SEMA3C: variants seen among roughly 807,000 people sequenced by gnomAD.
The protein encoded by SEMA3C is semaphorin 3C, also known as semaphorin-3C.
SEMA3C carries 47 observed loss-of-function variants against 89.4 expected under a neutral mutation model. The ratio of observed to expected loss-of-function variants is 0.53; its 90% confidence interval spans 0.42 to 0.67. The LOEUF (loss-of-function observed/expected upper bound fraction) is 0.67, where lower values mean the gene tolerates loss of function less well. Among genes scored for constraint, SEMA3C ranks in the 30% least tolerant of loss-of-function variants. The pLI is 0.00. For missense variants in SEMA3C, 839 were observed against 929.1 expected (o/e 0.90, Z 1.26); for synonymous variants, 310 against 320.2 (o/e 0.97, Z 0.34).
At chr7:80,832,194 T>C (rs955955244) in intron 2 of SEMA3C, among the ~76,000 whole-genome samples, 1 of 152,124 alleles carries the variant, frequency 6.6e-6, no homozygotes, top group African/African-American at 2.4e-5. Flanking sequence ...TCATGATGTA[T>C]AGGAAACAGT....
intron 12 of SEMA3C, among the ~76,000 whole-genome samples, chr7:80,788,567 C>T (rs1384989881): frequency 6.6e-6 from 1 of 152,162 alleles, no homozygotes; most frequent in Non-Finnish European, 1.5e-5. Flanking sequence ...ACTTTGAGAA[C>T]CACTGCTCTA....
At chr7:80,778,754 A>G (rs1483230016) in intron 12 of SEMA3C, among the ~76,000 whole-genome samples, 1 of 152,208 alleles carries the variant, frequency 6.6e-6, no homozygotes, top group Admixed American at 6.5e-5. Context: ...TGAGGAAAAT[A>G]ACCTACTACC....
intron 2 of SEMA3C, among the ~76,000 whole-genome samples, chr7:80,848,212 A>G (rs1386432274): frequency 6.6e-6 from 1 of 152,192 alleles, no homozygotes; most frequent in Non-Finnish European, 1.5e-5. Context: ...GTTCAGGACA[A>G]TAAAGAGAAA....
intron 15 of SEMA3C, among the ~76,000 whole-genome samples, chr7:80,753,119 T>C (rs1313669646): frequency 1.3e-5 from 2 of 152,190 alleles, no homozygotes; most frequent in African/African-American, 4.8e-5. Context: ...TATAAAATTT[T>C]GTACCACCTA....
At chr7:80,902,363 G>A (rs568281704) in intron 2 of SEMA3C, among the ~76,000 whole-genome samples, 1 of 152,158 alleles carries the variant, frequency 6.6e-6, no homozygotes, top group South Asian at 2.1e-4. Flanking sequence ...TTACTGACCT[G>A]TCCATAAGAC....
At chr7:80,817,547 C>T (rs941977701) in intron 5 of SEMA3C, among the ~76,000 whole-genome samples, 2 of 152,080 alleles carry the variant, frequency 1.3e-5, no homozygotes, top group Non-Finnish European at 2.9e-5. Flanking sequence ...CCTTAGTCAA[C>T]AGCTGTGGAC....
chr7:80,900,982 A>C (rs1300159266), intron 2 of SEMA3C, among the ~76,000 whole-genome samples: 6 of 152,174 alleles, frequency 3.9e-5, no homozygotes, highest in Non-Finnish European at 5.9e-5. Context: ...ATAAATTGGG[A>C]AATATTGTGC....
At chr7:80,910,327 A>G (rs1299146123) in intron 2 of SEMA3C, among the ~76,000 whole-genome samples, 2 of 152,234 alleles carry the variant, frequency 1.3e-5, no homozygotes, top group African/African-American at 4.8e-5. Context: ...CTCATTGGAT[A>G]AGGAGGATGG....
intron 12 of SEMA3C, among the ~76,000 whole-genome samples, chr7:80,774,989 G>A (rs192544049): frequency 6.6e-6 from 1 of 151,836 alleles, no homozygotes; most frequent in African/African-American, 2.4e-5. Context: ...ATTGTCATGG[G>A]AACAAGGAAC....
chr7:80,843,269 T>G (rs1220909069), intron 2 of SEMA3C, among the ~76,000 whole-genome samples: 2 of 152,198 alleles, frequency 1.3e-5, no homozygotes, highest in Admixed American at 6.5e-5. Context: ...ATAACCTGAC[T>G]CTATCATTAC....
chr7:80,921,705 C>T (rs1213946224), upstream of SEMA3C, among the ~76,000 whole-genome samples: 15 of 152,130 alleles, frequency 9.9e-5, no homozygotes, highest in Non-Finnish European at 1.3e-4. Context: ...AGACGAGCGG[C>T]CAAACTAAAA....
chr7:80,905,438 C>T (rs1583997907), intron 2 of SEMA3C, among the ~76,000 whole-genome samples: 2 of 151,974 alleles, frequency 1.3e-5, no homozygotes, highest in East Asian at 3.9e-4. Context: ...GATTAGAAGT[C>T]AGCCTGTTTG....
Position 80,828,757 on chromosome 7 carries a change from A to T in SEMA3C, c.104-12T>A. The stretch of plus-strand genomic sequence containing the variant: ...GGTTTCTCGAAGTTCTGAAAGAGTG[A>T]ACAGCACAAGTGTAGATACAGTATC... On this transcript the variant is annotated splice_polypyrimidine_tract_variant and intron_variant, in intron 2 of 17. Transcript: ENST00000265361. 1 of 1,600,096 alleles carries T rather than the reference A, an allele frequency of 6.2e-7. No individual in the cohort carries two copies. Among genetic ancestry groups the T allele is most frequent in the Non-Finnish European group, 8.5e-7 (1 of 1,170,868 alleles).
intron 2 of SEMA3C, among the ~76,000 whole-genome samples, chr7:80,864,739 C>T (rs1261721983): frequency 6.6e-6 from 1 of 152,144 alleles, no homozygotes; most frequent in Non-Finnish European, 1.5e-5. Context: ...TTCTCCATCT[C>T]TCCTGAGCTA....
Position 80,809,273 on chromosome 7 carries a change from T to C in SEMA3C, c.538+1338A>G, listed in dbSNP as rs570503017. On this transcript the variant is annotated intron_variant, in intron 6 of 17. Coordinates refer to ENST00000265361, the MANE Select transcript of SEMA3C (RefSeq NM_006379.5). ...CTTTATTACCATCTCCTTTTTGGCATAGCAATTTTTAGACAATCCACAGAG... is the reference window on the plus strand; with the variant it reads ...CTTTATTACCATCTCCTTTTTGGCACAGCAATTTTTAGACAATCCACAGAG... Among the ~76,000 whole-genome samples, 24 of 152,288 alleles carry C rather than the reference T, an allele frequency of 1.6e-4. No individual in the cohort carries two copies. The South Asian group carries it at 2.9e-3, about 18-fold the overall frequency.
chr7:80,863,733 CATATATAGTAGTATTCCATCAT>C (rs1218914834), intron 2 of SEMA3C, among the ~76,000 whole-genome samples: 11 of 144,738 alleles, frequency 7.6e-5, no homozygotes, highest in South Asian at 2.2e-4. Context: ...ATATATATCA[CATATATAGTAGTATTCCATCAT>C]ATATATAGTA....
chr7:80,891,250 T>G lies in SEMA3C; in HGVS notation c.103+25429A>C, dbSNP rs569166461. On this transcript the variant is annotated intron_variant, in intron 2 of 17. Coordinates refer to ENST00000265361, the MANE Select transcript of SEMA3C (RefSeq NM_006379.5). ...GGAAACTCATCAGACATTGAAGCCC[T>G]CCTGCCATCTTCCGTCTATATCCCG... 2.2e-4 allele frequency among the ~76,000 whole-genome samples: 34 copies of G among 152,304 alleles called. No individual in the cohort carries two copies. The Middle Eastern group carries it at 0.01, about 46-fold the overall frequency.
chr7:80,851,719 T>C (rs1301798338), intron 2 of SEMA3C, among the ~76,000 whole-genome samples: 2 of 151,626 alleles, frequency 1.3e-5, no homozygotes, highest in Non-Finnish European at 2.9e-5. Flanking sequence ...GATAATGGTA[T>C]CATAACACGT....
chr7:80,813,257 A>T (rs569509346), intron 5 of SEMA3C, among the ~76,000 whole-genome samples: 2 of 152,074 alleles, frequency 1.3e-5, no homozygotes, highest in Non-Finnish European at 2.9e-5. Context: ...AAACTACTAA[A>T]CATTTTGTAG....
Sources: gnomAD v4.1 joint callset for allele counts (sites outside exome capture counted in the v4.1 genomes callset) on GRCh38, gnomAD v4.1.1 for gene constraint, MANE v1.5 for transcripts, NCBI Gene and HGNC (gene_info 2026-07-23, HGNC 2026-07-21) for gene names.